Variants in PRKCH observed in about 807,000 individuals in gnomAD.
PRKCH encodes the protein protein kinase C eta.
In PRKCH, 28 loss-of-function variants were observed where a neutral mutation model predicts 82.5. The ratio of observed to expected loss-of-function variants is 0.34; its 90% CI spans 0.25 to 0.47. PRKCH has a LOEUF of 0.47. PRKCH is among the 20% of genes least tolerant of loss of function. The pLI is 1.00. For missense variants in PRKCH, 705 were observed against 881.8 expected, an observed-to-expected ratio of 0.80 and a Z score of 2.54; for synonymous variants, 322 against 327.4, an observed-to-expected ratio of 0.98 and a Z score of 0.18.
At chr14:61,296,275 G>C (rs1399762206) in intron 1 of PRKCH, among the ~76,000 whole-genome samples, 1 of 152,160 alleles carries the variant, frequency 6.6e-6, no homozygotes, top group Non-Finnish European at 1.5e-5. Flanking sequence ...CCTTAATCTT[G>C]AAGAGGTCAC....
intron 9 of PRKCH, among the ~76,000 whole-genome samples, chr14:61,468,529 A>G (rs562749175): frequency 2.0e-5 from 3 of 152,190 alleles, no homozygotes; most frequent in Non-Finnish European, 4.4e-5. Context: ...TCCGGCTACC[A>G]GGCTTTCTGA....
At chr14:61,526,493 C>T (rs143361334) in intron 10 of PRKCH, among the ~76,000 whole-genome samples, 1 of 152,328 alleles carries the variant, frequency 6.6e-6, no homozygotes, top group East Asian at 1.9e-4. Flanking sequence ...CATTCCTGGG[C>T]ATTTTCTAGT....
At chr14:61,312,475 T>C (rs2045532629) in intron 1 of PRKCH, among the ~76,000 whole-genome samples, 1 of 152,252 alleles carries the variant, frequency 6.6e-6, no homozygotes, top group African/African-American at 2.4e-5. Context: ...GGCTACATCC[T>C]GGTAAAATAG....
intron 1 of PRKCH, among the ~76,000 whole-genome samples, chr14:61,252,770 A>G (rs1362745385): frequency 2.0e-5 from 3 of 152,260 alleles, no homozygotes; most frequent in African/African-American, 7.2e-5. Flanking sequence ...GTTCAAACAC[A>G]GTCATTATTA....
intron 1 of PRKCH, among the ~76,000 whole-genome samples, chr14:61,268,455 C>G (rs554611961): frequency 6.6e-6 from 1 of 152,096 alleles, no homozygotes; most frequent in Non-Finnish European, 1.5e-5. Context: ...CACCTGAGAT[C>G]AGGAGTTCGA....
intron 1 of PRKCH, chr14:61,278,482 TA>T (rs1185905690): frequency 6.6e-6 from 1 of 152,202 alleles, no homozygotes; most frequent in Non-Finnish European, 1.5e-5. Context: ...AAGACTAGAA[TA>T]AACTATGTAA....
At chr14:61,457,709 C>T (rs2140296302) in intron 9 of PRKCH, 30 bp downstream of exon 9, 1 of 1,608,674 alleles carries the variant, frequency 6.2e-7, no homozygotes, top group Non-Finnish European at 8.5e-7. Context: ...ACTGCACCAA[C>T]AGCCTCTTTT....
At chr14:61,411,289 A>G (rs1229144535) in intron 2 of PRKCH, among the ~76,000 whole-genome samples, 1 of 152,206 alleles carries the variant, frequency 6.6e-6, no homozygotes, top group African/African-American at 2.4e-5. Context: ...CATGACATAG[A>G]GTAACTCTTT....
intron 1 of PRKCH, among the ~76,000 whole-genome samples, chr14:61,328,614 G>A (rs1480871927): frequency 6.6e-6 from 1 of 152,056 alleles, no homozygotes; most frequent in Non-Finnish European, 1.5e-5. Flanking sequence ...GTAAAAGTGT[G>A]GTGCATTTTT....
At chr14:61,397,464 A>C (rs1225628313) in intron 2 of PRKCH, among the ~76,000 whole-genome samples, 1 of 152,212 alleles carries the variant, frequency 6.6e-6, no homozygotes, top group Non-Finnish European at 1.5e-5. Context: ...CACATGGATA[A>C]AGAGGCCCAT....
intron 1 of PRKCH, among the ~76,000 whole-genome samples, chr14:61,313,360 A>G (rs145514136): frequency 6.6e-6 from 1 of 152,250 alleles, no homozygotes; most frequent in Non-Finnish European, 1.5e-5. Flanking sequence ...AGCTTTAGAG[A>G]AAATGATTAC....
At chr14:61,290,191 C>T (rs1276754459) in intron 1 of PRKCH, among the ~76,000 whole-genome samples, 1 of 151,742 alleles carries the variant, frequency 6.6e-6, no homozygotes, top group Non-Finnish European at 1.5e-5. Context: ...ACTCGGAAGG[C>T]TGAGGCAGGA....
In PRKCH at chr14:61,280,204, G is replaced by T; in HGVS notation, c.-19+92536G>T. The stretch of plus-strand genomic sequence containing the variant: ...GACCAGGTAGGCGATGCCCAGGAAG[G>T]GGTTCTTGCCACCCATCCACGAGAT... On this transcript the variant is annotated intron_variant, in intron 1 of 3. Coordinates refer to the PRKCH transcript ENST00000555185. This position sits in a 1 kb window ranked among gnomAD's most constrained non-coding sequence, Gnocchi z 5.0. 6.2e-7 allele frequency: 1 copy of T among 1,614,114 alleles called. No individual in the cohort carries two copies. Among genetic ancestry groups the T allele is most frequent in the Non-Finnish European group, 8.5e-7 (1 of 1,180,004 alleles).
intron 2 of PRKCH, among the ~76,000 whole-genome samples, chr14:61,435,894 TAAGA>T (rs1433439678): frequency 6.6e-6 from 1 of 152,162 alleles, no homozygotes; most frequent in Non-Finnish European, 1.5e-5. Flanking sequence ...TGAAGGAGAC[TAAGA>T]AAGACGATTA....
intron 1 of PRKCH, among the ~76,000 whole-genome samples, chr14:61,384,407 A>C (rs943438426): frequency 6.6e-6 from 1 of 150,798 alleles, no homozygotes; most frequent in Non-Finnish European, 1.5e-5. Context: ...TTGCCCCAGA[A>C]AATTTAAAAT....
intron 1 of PRKCH, among the ~76,000 whole-genome samples, chr14:61,354,399 T>C (rs2046121148): frequency 1.1e-5 from 1 of 94,852 alleles, no homozygotes. Context: ...TATTGCTGTT[T>C]CTATTTGTGT....
intron 9 of PRKCH, among the ~76,000 whole-genome samples, chr14:61,481,990 C>CTTTTTTTTTT (rs35134897): frequency 3.0e-5 from 3 of 101,076 alleles, no homozygotes; most frequent in South Asian, 3.5e-4. Flanking sequence ...TTTCCTTTTC[C>CTTTTTTTTTT]TTTTTTTTTT....
At chr14:61,361,176 C>A (rs1381264360) in intron 1 of PRKCH, 1 of 152,164 alleles carries the variant, frequency 6.6e-6, no homozygotes, top group Non-Finnish European at 1.5e-5. Flanking sequence ...TGAGTAAGTT[C>A]TAATATATTA....
chr14:61,320,697 C>A (rs936619156), upstream of PRKCH, among the ~76,000 whole-genome samples: 6 of 152,220 alleles, frequency 3.9e-5, no homozygotes, highest in Non-Finnish European at 7.3e-5. Context: ...TGCGGCATAG[C>A]AGCGTAGGCT....
Sources: allele counts gnomAD v4.1 joint callset (sites outside exome capture counted in the v4.1 genomes callset), GRCh38; gene constraint gnomAD v4.1.1; non-coding constraint Gnocchi (gnomAD v3.1); transcripts MANE v1.5; gene names NCBI Gene and HGNC (gene_info 2026-07-23, HGNC 2026-07-21).